Variants in SYT1 observed in about 807,000 individuals in gnomAD.
SYT1 encodes the protein synaptotagmin 1, also known as synaptotagmin-1.
In SYT1, 8 loss-of-function variants were observed where a neutral mutation model predicts 44.8. The ratio of observed to expected loss-of-function variants is 0.18; its 90% CI spans 0.10 to 0.32. The LOEUF is 0.32. Among genes scored for constraint, SYT1 ranks in the 10% least tolerant of loss-of-function variants. The pLI is 1.00. For synonymous variants in SYT1, 154 were observed against 188.8 expected (o/e 0.82, Z 1.51); for missense variants, 286 against 509.3 (o/e 0.56, Z 4.22).
chr12:79,158,895 C>CAA (rs35276771), intron 3 of SYT1, among the ~76,000 whole-genome samples: 11,933 of 138,736 alleles, frequency 0.086, 594 homozygotes, highest in African/African-American at 0.16. Flanking sequence ...AACCTTGTCT[C>CAA]AAAAAAAAAA....
chr12:78,988,558 C>T (rs1869811586), intron 2 of SYT1, among the ~76,000 whole-genome samples: 1 of 151,672 alleles, frequency 6.6e-6, no homozygotes, highest in African/African-American at 2.4e-5. Flanking sequence ...TGTGTAAAAT[C>T]CCAAAGGCAA....
At chr12:78,935,094 A>C (rs1174942541) in intron 1 of SYT1, among the ~76,000 whole-genome samples, 1 of 152,238 alleles carries the variant, frequency 6.6e-6, no homozygotes, top group Non-Finnish European at 1.5e-5. Flanking sequence ...AAAAGATTTA[A>C]ACTGTGAGGA....
chr12:79,368,347 T>G (rs373764341), intron 9 of SYT1, among the ~76,000 whole-genome samples: 1 of 152,022 alleles, frequency 6.6e-6, no homozygotes, highest in Non-Finnish European at 1.5e-5. Context: ...GAATAGTGCC[T>G]CAATAAACAT....
At chr12:79,079,312 T>A (rs1173970320) in intron 3 of SYT1, among the ~76,000 whole-genome samples, 1 of 152,166 alleles carries the variant, frequency 6.6e-6, no homozygotes, top group African/African-American at 2.4e-5. Context: ...CACTGAGTGA[T>A]TTAAATGGTT....
At chr12:79,178,961 G>C (rs192002823) in intron 3 of SYT1, among the ~76,000 whole-genome samples, 1 of 19,536 alleles carries the variant, frequency 5.1e-5, no homozygotes, top group Non-Finnish European at 9.5e-5. Context: ...TATAGATATA[G>C]ATATAGATAT....
At chr12:78,907,290 C>T (rs1429534826) in intron 1 of SYT1, among the ~76,000 whole-genome samples, 1 of 151,950 alleles carries the variant, frequency 6.6e-6, no homozygotes. Flanking sequence ...CCTGCAAAAA[C>T]CACCCCATAA....
At chr12:79,413,398 T>C (rs770435041) in intron 9 of SYT1, among the ~76,000 whole-genome samples, 22 of 152,218 alleles carry the variant, frequency 1.4e-4, no homozygotes, top group Non-Finnish European at 2.5e-4. Context: ...CCACAAGATC[T>C]GTCTGCTCAA....
chr12:79,321,424 T>A (rs1386275780), intron 8 of SYT1, among the ~76,000 whole-genome samples: 1 of 152,250 alleles, frequency 6.6e-6, no homozygotes, highest in Non-Finnish European at 1.5e-5. Context: ...TTTCCTTTTT[T>A]AACAAATGGA....
chr12:78,959,181 ATG>A (rs1274041392), intron 1 of SYT1, among the ~76,000 whole-genome samples: 1 of 152,198 alleles, frequency 6.6e-6, no homozygotes, highest in Non-Finnish European at 1.5e-5. Context: ...AGTTATTGTT[ATG>A]AAATAAAAGA....
chr12:78,876,843 T>TAC lies in SYT1; in HGVS notation c.-217+11735_-217+11736insCA, dbSNP rs1203219597. Among the ~76,000 whole-genome samples, 63 of 71,596 alleles carry TAC rather than the reference T, an allele frequency of 8.8e-4. 3 individuals are homozygous for TAC. The highest frequency in any genetic ancestry group is 9.7e-4 in the African/African-American group (14 of 14,434). The allele number at this position is 71,596 out of a possible 152,430, so 47.0% of individuals were successfully genotyped here. A position where few individuals can be genotyped will look rare whatever the true frequency, so the allele number is the denominator to read the frequency against. ...CATATATTATATGTATTATATATAATATATATTATATATAATATATATAAT... is the reference window on the plus strand; with the variant it reads ...CATATATTATATGTATTATATATAATACATATATTATATATAATATATATAAT... On this transcript the variant is annotated intron_variant, in intron 1 of 10. Transcript: ENST00000261205.
At chr12:79,052,029 A>G (rs1362820167) in intron 3 of SYT1, among the ~76,000 whole-genome samples, 1 of 152,044 alleles carries the variant, frequency 6.6e-6, no homozygotes, top group Non-Finnish European at 1.5e-5. Context: ...TTGGTTCCAT[A>G]TGAACTTTAA....
intron 3 of SYT1, among the ~76,000 whole-genome samples, chr12:79,168,628 T>G (rs1438088701): frequency 6.6e-6 from 1 of 152,036 alleles, no homozygotes; most frequent in Non-Finnish European, 1.5e-5. Context: ...TTTTCTGAGG[T>G]CTTTTTCATG....
At chr12:78,972,732 G>C (rs996279328) in intron 1 of SYT1, among the ~76,000 whole-genome samples, 4 of 150,652 alleles carry the variant, frequency 2.7e-5, no homozygotes, top group African/African-American at 9.7e-5. Context: ...TTTCACCTTT[G>C]AGTTTTTATG....
In SYT1 at chr12:79,264,590, A is replaced by C. The variant is rs182633312; in HGVS notation, c.167-21197A>C. On this transcript the variant is annotated intron_variant, in intron 4 of 10. Transcript: ENST00000261205. ...TATAGAATTGAGAGTGTGTTCAAGC[A>C]AAATCTAGCATGTTGCCAATGGAAA... Among the ~76,000 whole-genome samples the C allele has an allele frequency of 1.2e-4, 18 of 152,334 alleles. No homozygotes were observed. In the East Asian group the frequency reaches 3.5e-3, roughly 29 times the overall value.
At chr12:79,399,780 C>G (rs1162292244) in intron 9 of SYT1, among the ~76,000 whole-genome samples, 1 of 152,076 alleles carries the variant, frequency 6.6e-6, no homozygotes, top group Non-Finnish European at 1.5e-5. Context: ...GGGTGGTGCC[C>G]AAGAATTTCC....
chr12:78,878,968 C>A (rs1352648040), intron 1 of SYT1, among the ~76,000 whole-genome samples: 1 of 151,630 alleles, frequency 6.6e-6, no homozygotes, highest in East Asian at 1.9e-4. Context: ...GAATTTCTTA[C>A]CAGCAATTAT....
chr12:79,002,803 G>A (rs948308545), intron 2 of SYT1, among the ~76,000 whole-genome samples: 1 of 151,992 alleles, frequency 6.6e-6, no homozygotes, highest in South Asian at 2.1e-4. Context: ...AGAAACATAG[G>A]AGCCCCCTAC....
chr12:79,156,098 A>G (rs1437973548), intron 3 of SYT1, among the ~76,000 whole-genome samples: 3 of 152,230 alleles, frequency 2.0e-5, no homozygotes, highest in Non-Finnish European at 4.4e-5. Context: ...ATACGACTTC[A>G]TACTAAGAAC....
intron 6 of SYT1, among the ~76,000 whole-genome samples, chr12:79,293,436 T>A (rs970209232): frequency 6.6e-6 from 1 of 151,386 alleles, no homozygotes; most frequent in African/African-American, 2.4e-5. Flanking sequence ...ACATAGCCCT[T>A]CTCCAAGTAG....
Sources: allele counts gnomAD v4.1 joint callset (sites outside exome capture counted in the v4.1 genomes callset), GRCh38; gene constraint gnomAD v4.1.1; transcripts MANE v1.5; gene names NCBI Gene and HGNC (gene_info 2026-07-23, HGNC 2026-07-21).